ARHGAP25: variants seen among roughly 807,000 people sequenced by gnomAD.
ARHGAP25 encodes the protein rho GTPase-activating protein 25.
Under a neutral mutation model 71.0 loss-of-function variants are expected in ARHGAP25, and 34 were observed. That is an observed-to-expected ratio of 0.48 (90% CI 0.36 to 0.64). The LOEUF (loss-of-function observed/expected upper bound fraction) is 0.64. Ranked by LOEUF, ARHGAP25 falls within the 30% of genes least tolerant of loss-of-function variation. ARHGAP25 has a pLI of 0.00. For synonymous variants in ARHGAP25, 282 were observed against 296.5 expected, an observed-to-expected ratio of 0.95 and a Z score of 0.50; for missense variants, 706 against 805.1, an observed-to-expected ratio of 0.88 and a Z score of 1.49.
chr2:68,824,696 C>CT (rs1681977276), intron 10 of ARHGAP25, among the ~76,000 whole-genome samples: 1 of 151,848 alleles, frequency 6.6e-6, no homozygotes, highest in South Asian at 2.1e-4. Flanking sequence ...GAGCCGAGAT[C>CT]ATGCCACTGC....
chr2:68,736,128 G>C (rs1237880952), intron 1 of ARHGAP25, among the ~76,000 whole-genome samples: 1 of 152,210 alleles, frequency 6.6e-6, no homozygotes, highest in African/African-American at 2.4e-5. Context: ...TAACAGCTTG[G>C]AGGAATTTTG....
At chr2:68,778,521 A>G (rs1678086172) in intron 2 of ARHGAP25, among the ~76,000 whole-genome samples, 1 of 152,232 alleles carries the variant, frequency 6.6e-6, no homozygotes, top group Non-Finnish European at 1.5e-5. Context: ...AAATTTAAAA[A>G]GAATGCACAC....
At chr2:68,764,739 G>C (rs886330135) in intron 1 of ARHGAP25, among the ~76,000 whole-genome samples, 1 of 152,178 alleles carries the variant, frequency 6.6e-6, no homozygotes, top group Non-Finnish European at 1.5e-5. Flanking sequence ...CTCTCTAGGT[G>C]TTGTTAGTGC....
intron 2 of ARHGAP25, among the ~76,000 whole-genome samples, chr2:68,717,320 A>C (rs1038569366): frequency 3.3e-5 from 5 of 152,234 alleles, no homozygotes; most frequent in Admixed American, 6.5e-5. Context: ...GAATACATCA[A>C]ACCTTAGGTT....
chr2:68,772,680 C>T (rs1291370829), intron 1 of ARHGAP25, among the ~76,000 whole-genome samples: 1 of 152,222 alleles, frequency 6.6e-6, no homozygotes, highest in Non-Finnish European at 1.5e-5. Flanking sequence ...CAAATTCCCT[C>T]CTCCCCATTG....
At chr2:68,802,270 T>G (rs1680021209) in intron 4 of ARHGAP25, among the ~76,000 whole-genome samples, 1 of 151,706 alleles carries the variant, frequency 6.6e-6, no homozygotes, top group Non-Finnish European at 1.5e-5. Context: ...CATCCAGGTG[T>G]GGTGGCACGT....
chr2:68,808,527 C>T (rs916098226), intron 5 of ARHGAP25, among the ~76,000 whole-genome samples: 1 of 152,314 alleles, frequency 6.6e-6, no homozygotes, highest in Admixed American at 6.5e-5. Context: ...GGGTGTCTTT[C>T]TTGCCCTTAA....
chr2:68,726,994 G>A (rs976235480), intron 2 of ARHGAP25, among the ~76,000 whole-genome samples: 1 of 151,834 alleles, frequency 6.6e-6, no homozygotes, highest in African/African-American at 2.4e-5. Context: ...TGTAAATACA[G>A]CTTTTAAAAA....
At chr2:68,778,448 G>A (rs1678079574) in intron 2 of ARHGAP25, among the ~76,000 whole-genome samples, 4 of 152,082 alleles carry the variant, frequency 2.6e-5, no homozygotes, top group African/African-American at 9.7e-5. Flanking sequence ...GAATACTGGG[G>A]TTACACATAC....
At chr2:68,792,265 A>C (rs1679230518) in intron 4 of ARHGAP25, among the ~76,000 whole-genome samples, 1 of 152,204 alleles carries the variant, frequency 6.6e-6, no homozygotes, top group Non-Finnish European at 1.5e-5. Flanking sequence ...TGAAATTATT[A>C]TTATTAGTAT....
At chr2:68,825,065 G>A (rs1182424962) in intron 10 of ARHGAP25, among the ~76,000 whole-genome samples, 1 of 152,192 alleles carries the variant, frequency 6.6e-6, no homozygotes, top group African/African-American at 2.4e-5. Flanking sequence ...CACTACATTA[G>A]GATTTGGGCC....
chr2:68,799,615 C>T (rs532699889), intron 4 of ARHGAP25, among the ~76,000 whole-genome samples: 4 of 152,292 alleles, frequency 2.6e-5, no homozygotes, highest in Admixed American at 2.0e-4. Flanking sequence ...ATCCCCTGAA[C>T]GGCAGTTGAC....
intron 1 of ARHGAP25, among the ~76,000 whole-genome samples, chr2:68,763,152 A>T (rs1355414126): frequency 1.3e-5 from 2 of 152,212 alleles, no homozygotes; most frequent in African/African-American, 4.8e-5. Flanking sequence ...GCTTTTTTGT[A>T]TTTGATCATC....
At chr2:68,814,774 A>G (rs1467098877) in intron 6 of ARHGAP25, among the ~76,000 whole-genome samples, 1 of 152,226 alleles carries the variant, frequency 6.6e-6, no homozygotes, top group African/African-American at 2.4e-5. Context: ...AGCTGACTTT[A>G]TATTTCAAAA....
At chr2:68,761,268 C>G (rs532510286) in intron 1 of ARHGAP25, among the ~76,000 whole-genome samples, 62 of 151,992 alleles carry the variant, frequency 4.1e-4, no homozygotes, top group Non-Finnish European at 7.4e-4. Context: ...AATTTAAGAC[C>G]CCAAACTGTA....
At chr2:68,766,777 ACT>A (rs1430194289) in intron 1 of ARHGAP25, among the ~76,000 whole-genome samples, 2 of 138,838 alleles carry the variant, frequency 1.4e-5, no homozygotes, top group African/African-American at 5.4e-5. Flanking sequence ...TCTTGTTCTC[ACT>A]CTCTGTCATT....
chr2:68,822,054 AAAGACCACCC>A (rs1681724555), intron 9 of ARHGAP25, among the ~76,000 whole-genome samples: 1 of 152,026 alleles, frequency 6.6e-6, no homozygotes. Flanking sequence ...TCATAGTTAT[AAAGACCACCC>A]ATTCTAAGAT....
At chr2:68,758,980 A>G (rs756836815) in intron 1 of ARHGAP25, among the ~76,000 whole-genome samples, 2 of 151,922 alleles carry the variant, frequency 1.3e-5, no homozygotes, top group Non-Finnish European at 2.9e-5. Context: ...AATTGTGGAA[A>G]TTAAACAATA....
chr2:68,802,707 AAG>A (rs35124579), intron 4 of ARHGAP25, among the ~76,000 whole-genome samples: 49,072 of 148,006 alleles, frequency 0.33, 8,566 homozygotes, highest in East Asian at 0.51. Flanking sequence ...ATAGAGGAGA[AAG>A]AGAGAGAGAG....
Sources: allele counts gnomAD v4.1 joint callset (sites outside exome capture counted in the v4.1 genomes callset), GRCh38; gene constraint gnomAD v4.1.1; transcripts MANE v1.5; gene names NCBI Gene and HGNC (gene_info 2026-07-23, HGNC 2026-07-21).